The following ERC2 variants were observed in gnomAD, a reference collection of about 807,000 sequenced individuals.
ERC2 encodes ERC protein 2.
ERC2 carries 42 observed loss-of-function variants against 114.8 expected under a neutral mutation model. The ratio of observed to expected loss-of-function variants is 0.37; its 90% CI spans 0.29 to 0.47. The LOEUF (loss-of-function observed/expected upper bound fraction) is 0.47, where lower values mean the gene tolerates loss of function less well. Among genes scored for constraint, ERC2 ranks in the 20% least tolerant of loss-of-function variants. The pLI is 0.99. For synonymous variants in ERC2, 454 were observed against 425.5 expected (o/e 1.07, Z -0.82); for missense variants, 939 against 1,150.7 (o/e 0.82, Z 2.66).
At chr3:56,309,020 T>C (rs1440689876) in intron 2 of ERC2, among the ~76,000 whole-genome samples, 1 of 152,194 alleles carries the variant, frequency 6.6e-6, no homozygotes, top group Non-Finnish European at 1.5e-5. Flanking sequence ...TCTTCATGAC[T>C]TCAAATCTTC....
At chr3:56,201,938 T>C (rs1273778744) in intron 3 of ERC2, among the ~76,000 whole-genome samples, 1 of 152,236 alleles carries the variant, frequency 6.6e-6, no homozygotes, top group Non-Finnish European at 1.5e-5. Context: ...TTTATTAACA[T>C]GCTTAGCTAC....
chr3:56,225,562 A>G (rs539885916), intron 3 of ERC2, among the ~76,000 whole-genome samples: 2 of 152,310 alleles, frequency 1.3e-5, no homozygotes, highest in South Asian at 4.1e-4. Flanking sequence ...CAATCATAGA[A>G]TTGTGCCCAA....
intron 17 of ERC2, among the ~76,000 whole-genome samples, chr3:55,664,113 T>C (rs957360760): frequency 6.6e-6 from 1 of 152,190 alleles, no homozygotes; most frequent in Non-Finnish European, 1.5e-5. Flanking sequence ...AGATAAAATA[T>C]AGGAAATTCA....
chr3:55,845,676 C>A (rs75497621), intron 14 of ERC2, among the ~76,000 whole-genome samples: 2,570 of 152,292 alleles, frequency 0.017, 67 homozygotes, highest in African/African-American at 0.058. Context: ...TACTTAGAAT[C>A]CATTTTTTGC....
intron 7 of ERC2, among the ~76,000 whole-genome samples, chr3:56,028,706 G>A (rs577916070): frequency 6.0e-4 from 92 of 152,142 alleles, no homozygotes; most frequent in African/African-American, 2.2e-3. Context: ...AGTGAGGTGG[G>A]TTGTTTTGTT....
chr3:56,189,214 T>C (rs2083831102), intron 3 of ERC2, among the ~76,000 whole-genome samples: 1 of 152,212 alleles, frequency 6.6e-6, no homozygotes, highest in Admixed American at 6.5e-5. Flanking sequence ...AATCTGTTTC[T>C]TTCTTCATAA....
chr3:55,731,553 G>C (rs1162188360), intron 15 of ERC2, among the ~76,000 whole-genome samples: 1 of 152,180 alleles, frequency 6.6e-6, no homozygotes, highest in African/African-American at 2.4e-5. Flanking sequence ...TATCTTGCCT[G>C]TAATCACTCA....
At chr3:55,832,590 C>T (rs1051990395) in intron 14 of ERC2, among the ~76,000 whole-genome samples, 1 of 152,214 alleles carries the variant, frequency 6.6e-6, no homozygotes, top group Non-Finnish European at 1.5e-5. Flanking sequence ...AGAATATCCA[C>T]ACCAAAAACC....
At chr3:56,245,310 T>C (rs544192990) in intron 3 of ERC2, among the ~76,000 whole-genome samples, 115 of 152,166 alleles carry the variant, frequency 7.6e-4, no homozygotes, top group Admixed American at 1.2e-3. Context: ...TTCAACTCAC[T>C]ATGAGACGTA....
chr3:55,873,497 T>A (rs1280845592), intron 14 of ERC2, among the ~76,000 whole-genome samples: 2 of 152,218 alleles, frequency 1.3e-5, no homozygotes, highest in African/African-American at 4.8e-5. Context: ...TGTAGTTATT[T>A]GTTATGATTT....
chr3:55,906,882 A>G (rs1286157762), intron 13 of ERC2, among the ~76,000 whole-genome samples: 2 of 152,178 alleles, frequency 1.3e-5, no homozygotes, highest in East Asian at 3.9e-4. Flanking sequence ...GCTCATTTCT[A>G]TTCAATCAGA....
intron 17 of ERC2, among the ~76,000 whole-genome samples, chr3:55,655,755 T>C (rs927157239): frequency 6.6e-6 from 1 of 152,194 alleles, no homozygotes. Context: ...GCCTAGATCA[T>C]ACATAGAAAA....
At chr3:56,270,033 G>T (rs144133222) in intron 3 of ERC2, among the ~76,000 whole-genome samples, 1 of 150,782 alleles carries the variant, frequency 6.6e-6, no homozygotes, top group African/African-American at 2.4e-5. Flanking sequence ...GTCCAGAAAG[G>T]CACAGATATC....
At chr3:56,375,235 G>A (rs1232077367) in intron 2 of ERC2, among the ~76,000 whole-genome samples, 1 of 152,204 alleles carries the variant, frequency 6.6e-6, no homozygotes, top group East Asian at 1.9e-4. Flanking sequence ...GCATGGGAGA[G>A]CGGGAAAGGG....
intron 3 of ERC2, among the ~76,000 whole-genome samples, chr3:56,264,637 A>G (rs1416769416): frequency 6.6e-6 from 1 of 151,826 alleles, no homozygotes; most frequent in East Asian, 1.9e-4. Context: ...AAGAAAAGGC[A>G]CTCAAATAGG....
chr3:55,669,556 C>G (rs4955862), intron 17 of ERC2, among the ~76,000 whole-genome samples: 86,552 of 152,154 alleles, frequency 0.57, 26,530 homozygotes, highest in East Asian at 0.68. Context: ...TTGAAGTTTC[C>G]CCTACTTCAA....
At chr3:56,081,826 C>T (rs1323664928) in intron 6 of ERC2, among the ~76,000 whole-genome samples, 2 of 151,972 alleles carry the variant, frequency 1.3e-5, no homozygotes, top group East Asian at 1.9e-4. Context: ...CATCAGAATA[C>T]CATTTTGAGT....
At chr3:56,289,792 C>T (rs1271205245) in intron 3 of ERC2, among the ~76,000 whole-genome samples, 6 of 152,188 alleles carry the variant, frequency 3.9e-5, no homozygotes, top group African/African-American at 1.4e-4. Context: ...TTCAAGGCCT[C>T]TCAGTGTACC....
At chr3:56,066,335 G>C (rs2149718026) in intron 7 of ERC2, among the ~76,000 whole-genome samples, 1 of 152,236 alleles carries the variant, frequency 6.6e-6, no homozygotes, top group East Asian at 1.9e-4. Context: ...TCATGTGTTT[G>C]TTGGCCACAT....
Sources: gnomAD v4.1 joint callset for allele counts (sites outside exome capture counted in the v4.1 genomes callset) on GRCh38, gnomAD v4.1.1 for gene constraint, MANE v1.5 for transcripts, NCBI Gene and HGNC (gene_info 2026-07-23, HGNC 2026-07-21) for gene names.